PTPRT: variants seen among roughly 807,000 people sequenced by gnomAD.
The protein encoded by PTPRT is protein tyrosine phosphatase receptor type T, also known as receptor-type tyrosine-protein phosphatase T.
A neutral mutation model predicts 176.8 loss-of-function variants in PTPRT; 56 were observed. The ratio of observed to expected loss-of-function variants is 0.32; its 90% CI spans 0.26 to 0.40. The LOEUF is 0.40. PTPRT is among the 10% of genes least tolerant of loss of function. PTPRT has a pLI of 1.00. For synonymous variants in PTPRT, 783 were observed against 739.0 expected (o/e 1.06, Z -0.96); for missense variants, 1,540 against 1,908.2 (o/e 0.81, Z 3.60).
chr20:43,142,445 C>A (rs1336017216), intron 1 of PTPRT, among the ~76,000 whole-genome samples: 2 of 152,182 alleles, frequency 1.3e-5, no homozygotes, highest in African/African-American at 4.8e-5. Flanking sequence ...ATTCTCTCCC[C>A]TCAAAGAAGA....
At chr20:42,977,846 A>G (rs947562219) in intron 1 of PTPRT, among the ~76,000 whole-genome samples, 5 of 152,238 alleles carry the variant, frequency 3.3e-5, no homozygotes, top group African/African-American at 1.2e-4. Flanking sequence ...ATCCTTTTAT[A>G]TTACCTTTTA....
At chr20:43,069,824 G>C (rs1191920759) in intron 1 of PTPRT, among the ~76,000 whole-genome samples, 2 of 152,148 alleles carry the variant, frequency 1.3e-5, no homozygotes, top group African/African-American at 4.8e-5. Context: ...CTTGCATAGT[G>C]GTTACTCCAG....
At chr20:43,037,148 A>C (rs1271580068) in intron 1 of PTPRT, among the ~76,000 whole-genome samples, 2 of 152,370 alleles carry the variant, frequency 1.3e-5, no homozygotes, top group Non-Finnish European at 1.5e-5. Context: ...CACAACAATG[A>C]ATTAAGCAAA....
At chr20:43,004,553 C>A (rs1984755714) in intron 1 of PTPRT, among the ~76,000 whole-genome samples, 1 of 152,186 alleles carries the variant, frequency 6.6e-6, no homozygotes, top group African/African-American at 2.4e-5. Flanking sequence ...TTCATACATT[C>A]ATGATGGGAC....
At chr20:42,883,915 C>CAT (rs1392015620) in intron 2 of PTPRT, among the ~76,000 whole-genome samples, 1 of 9,400 alleles carries the variant, frequency 1.1e-4, no homozygotes, top group Non-Finnish European at 2.4e-4. Flanking sequence ...CACACACACA[C>CAT]ATACCAGTAC....
At position 42,999,180 on chromosome 20, in the gene PTPRT, T is replaced by G. The variant is rs928608916; in HGVS notation, c.89-113248A>C. The stretch of plus-strand genomic sequence containing the variant: ...AGAATATTTAGCCACATAGGAAAAT[T>G]TCCGCAATATATTGCTAAGCAAAAA... On this transcript the variant is annotated intron_variant, in intron 1 of 30. Transcript: ENST00000373187. Among the ~76,000 whole-genome samples, 5 of 152,288 alleles carry G rather than the reference T, an allele frequency of 3.3e-5. No individual in the cohort carries two copies. In the South Asian group the frequency reaches 8.3e-4, roughly 25 times the overall value.
At chr20:42,809,849 T>C (rs932236378) in intron 2 of PTPRT, among the ~76,000 whole-genome samples, 2 of 152,166 alleles carry the variant, frequency 1.3e-5, no homozygotes, top group African/African-American at 4.8e-5. Context: ...TCTGCAAAGA[T>C]CTTTTTTCTA....
chr20:42,172,685 T>C (rs1990129460), intron 16 of PTPRT, among the ~76,000 whole-genome samples: 1 of 152,242 alleles, frequency 6.6e-6, no homozygotes, highest in Non-Finnish European at 1.5e-5. Flanking sequence ...ACATATATGT[T>C]ACTGATCTTA....
rs143907430 is a variant in PTPRT at position 42,166,416 on chromosome 20, T to C, written c.2492-4874A>G. Among the ~76,000 whole-genome samples, 1,286 of 152,296 alleles carry C rather than the reference T, an allele frequency of 8.4e-3. 13 individuals carry two copies. The highest frequency in any genetic ancestry group is 0.011 in the Non-Finnish European group (736 of 68,024). On this transcript the variant is annotated intron_variant, in intron 16 of 30. Transcript: ENST00000373187. ...GAATGTTTAATTTAATTTTGATTTA[T>C]TTCAATTTAAATAGCCACAGGTGGC...
At chr20:42,683,573 C>G (rs761946776) in intron 6 of PTPRT, among the ~76,000 whole-genome samples, 1 of 152,246 alleles carries the variant, frequency 6.6e-6, no homozygotes, top group Non-Finnish European at 1.5e-5. Flanking sequence ...CCACCATGCC[C>G]AGCCTTCAAT....
chr20:42,465,142 G>GA (rs1006484323), intron 8 of PTPRT, among the ~76,000 whole-genome samples: 11 of 129,468 alleles, frequency 8.5e-5, no homozygotes, highest in East Asian at 5.2e-4. Context: ...TTGTAAAATA[G>GA]AAAAAAAAAC....
chr20:42,798,489 A>G (rs532749382), intron 2 of PTPRT, among the ~76,000 whole-genome samples: 1 of 152,328 alleles, frequency 6.6e-6, no homozygotes, highest in South Asian at 2.1e-4. Context: ...AGCCATACCA[A>G]TAAACATATC....
intron 2 of PTPRT, among the ~76,000 whole-genome samples, chr20:42,820,324 T>C (rs1453582502): frequency 6.6e-6 from 1 of 152,088 alleles, no homozygotes; most frequent in Non-Finnish European, 1.5e-5. Context: ...GACTCCTGGG[T>C]AAATAATGAA....
At chr20:42,166,860 G>T (rs938204918) in intron 16 of PTPRT, among the ~76,000 whole-genome samples, 3 of 152,030 alleles carry the variant, frequency 2.0e-5, no homozygotes, top group African/African-American at 7.3e-5. Flanking sequence ...GGTGGAAGTT[G>T]CAGTGAGCCA....
At chr20:42,531,534 T>C (rs1186425135) in intron 7 of PTPRT, among the ~76,000 whole-genome samples, 1 of 152,248 alleles carries the variant, frequency 6.6e-6, no homozygotes, top group Non-Finnish European at 1.5e-5. Context: ...AGCAAATTCA[T>C]ACTGAATGCC....
At position 42,085,757 on chromosome 20, in the gene PTPRT, T is replaced by C. The variant is rs753905388; in HGVS notation, c.3943A>G (p.Arg1315Gly). The change falls in exon 28 of 31, where the codon AGA becomes GGA. Residue 1315 changes from arginine to glycine, a missense_variant. Transcript: ENST00000373187. ...SADIDEDIIHRIFRICNMARP... is the reference protein window; with the variant it reads ...SADIDEDIIHGIFRICNMARP... ...GCCATGTTACAGATGCGGAATATTC[T>C]GTGGATGATGTCCTCGTCGATGTCT... 1.2e-6 allele frequency: 2 copies of C among 1,614,114 alleles called. No homozygotes were observed. Among genetic ancestry groups the C allele is most frequent in the Non-Finnish European group, 1.7e-6 (2 of 1,180,028 alleles).
chr20:42,996,318 C>T (rs1984219924), intron 1 of PTPRT, among the ~76,000 whole-genome samples: 1 of 152,166 alleles, frequency 6.6e-6, no homozygotes, highest in South Asian at 2.1e-4. Context: ...AGCAGTGAGG[C>T]TCACTCCAAG....
At chr20:42,319,137 T>C (rs2057762569) in intron 11 of PTPRT, among the ~76,000 whole-genome samples, 5 of 152,126 alleles carry the variant, frequency 3.3e-5, no homozygotes, top group Admixed American at 3.3e-4. Context: ...ACTTGTCAAT[T>C]CAACCAAGCT....
intron 28 of PTPRT, 51 bp from the exon 29 acceptor site, chr20:42,084,896 A>G (rs370129271): frequency 8.9e-6 from 12 of 1,344,148 alleles, no homozygotes; most frequent in African/African-American, 5.9e-5. Flanking sequence ...GCTTGCGTAC[A>G]TGCACCTTGC....
Sources: gnomAD v4.1 joint callset for allele counts (sites outside exome capture counted in the v4.1 genomes callset) on GRCh38, gnomAD v4.1.1 for gene constraint, MANE v1.5 for transcripts, NCBI Gene and HGNC (gene_info 2026-07-23, HGNC 2026-07-21) for gene names.